The following PRDM16 variants were observed in gnomAD, a reference collection of about 807,000 sequenced individuals.
PRDM16 encodes PR/SET domain 16.
A neutral mutation model predicts 110.6 loss-of-function variants in PRDM16; 23 were observed. That is an observed-to-expected ratio of 0.21 (90% CI 0.15 to 0.29). The LOEUF is 0.29. PRDM16 is among the 10% of genes least tolerant of loss of function. The pLI is 1.00. For missense variants in PRDM16, 1,615 were observed against 1,794.3 expected (o/e 0.90, Z 1.81); for synonymous variants, 799 against 781.8 (o/e 1.02, Z -0.37).
At chr1:3,193,399 C>T (rs142804410) in intron 2 of PRDM16, among the ~76,000 whole-genome samples, 3 of 152,318 alleles carry the variant, frequency 2.0e-5, no homozygotes, top group African/African-American at 7.2e-5. Flanking sequence ...AGAAGGGGCA[C>T]CTGCCAGCCA....
rs369664557 is a variant in PRDM16 at position 3,367,333 on chromosome 1, T to G, written c.439-17819T>G. Among the ~76,000 whole-genome samples the G allele has an allele frequency of 9.9e-5, 15 of 152,052 alleles. 1 individual carries two copies. The highest frequency in any genetic ancestry group is 2.4e-4 in the African/African-American group (10 of 41,392). On this transcript the variant is annotated intron_variant, in intron 3 of 16. Coordinates refer to ENST00000270722, the MANE Select transcript of PRDM16 (RefSeq NM_022114.4). ...AGTGTTTGCGGCTCAAGAACATAAC[T>G]GCCATGGGGAGGTCTCTGCTCCATT...
Position 3,140,025 on chromosome 1 carries a change from G to A in PRDM16, c.38-46100G>A, listed in dbSNP as rs111961841. ...TCAGCCCCGGCGACGCATCTCCCTC[G>A]GAGAATGGACCGCGGGCTCTGGATT... On this transcript the variant is annotated intron_variant, in intron 1 of 16. Transcript: ENST00000270722. 5.5e-4 allele frequency among the ~76,000 whole-genome samples: 84 copies of A among 152,346 alleles called. 2 individuals carry two copies. The highest frequency in any genetic ancestry group is 1.9e-3 in the African/African-American group (77 of 41,574).
intron 1 of PRDM16, among the ~76,000 whole-genome samples, chr1:3,158,796 CAG>C (rs1437562365): frequency 1.6e-5 from 2 of 127,746 alleles, no homozygotes; most frequent in Non-Finnish European, 3.2e-5. Context: ...TTTTTTGAGA[CAG>C]AGTCTTGTTC....
intron 3 of PRDM16, chr1:3,306,666 A>G (rs4648471): frequency 0.41 from 62,960 of 152,102 alleles, 14,147 homozygotes; most frequent in Non-Finnish European, 0.49. Context: ...CATTTTAAAA[A>G]CAGCTTTATT....
Position 3,201,513 on chromosome 1 carries a change from C to CT in PRDM16, c.387+15041dup, listed in dbSNP as rs1366960379. Among the ~76,000 whole-genome samples the CT allele has an allele frequency of 6.6e-6, 1 of 152,190 alleles. No individual in the cohort carries two copies. The highest frequency in any genetic ancestry group is 6.5e-5 in the Admixed American group (1 of 15,290). On this transcript the variant is annotated intron_variant, in intron 2 of 16. Coordinates refer to ENST00000270722, the MANE Select transcript of PRDM16 (RefSeq NM_022114.4). The surrounding 1 kb of genome is among the most constrained non-coding windows in gnomAD (Gnocchi z 4.1). ...GATATTCCCTCATGAGACCTGGGCC[C>CT]TTGCAGTCATCAGGAATGATGTCAG...
In PRDM16 at chr1:3,402,890, C is replaced by T. The variant is rs769041652; in HGVS notation, c.776C>T (p.Ala259Val). 69 of 1,613,020 alleles carry T rather than the reference C, an allele frequency of 4.3e-5. No homozygotes were observed. The highest frequency in any genetic ancestry group is 1.6e-4 in the Middle Eastern group (1 of 6,062). ...TACACGTGTGGCTCAGTGGGGGCTG[C>T]GCTCTACGAGGGCCTGGCTGAGGAG... The part of the protein sequence containing the change: ...KKYTCGSVGA[A>V]LYEGLAEELK... Residue 259 changes from alanine (A) to valine (V), a missense_variant, in exon 6 of 17, where the codon GCG (alanine) becomes GTG (valine). Physicochemically the swap from Ala to Val is moderately conservative, Grantham distance 64. This residue lies in a region of PRDM16 where 416 missense variants were observed against 467.1 expected (regional missense o/e 0.89). Coordinates refer to ENST00000270722, the MANE Select transcript of PRDM16 (RefSeq NM_022114.4).
At position 3,281,337 on chromosome 1, in the gene PRDM16, C is replaced by T. The variant is rs139669434; in HGVS notation, c.438+37200C>T. ...CCCTCCACCTGTGCTCCAGACCAGG[C>T]TGGCACTGAGACGCCCACCCCAGCC... On this transcript the variant is annotated intron_variant, in intron 3 of 16. Coordinates refer to ENST00000270722, the MANE Select transcript of PRDM16 (RefSeq NM_022114.4). 2.6e-4 allele frequency among the ~76,000 whole-genome samples: 39 copies of T among 152,328 alleles called. 1 individual carries two copies. In the East Asian group the frequency reaches 7.5e-3, roughly 29 times the overall value.
At chr1:3,169,946 G>A (rs1206980466) in intron 1 of PRDM16, among the ~76,000 whole-genome samples, 1 of 152,248 alleles carries the variant, frequency 6.6e-6, no homozygotes, top group East Asian at 1.9e-4. Flanking sequence ...CCGAGTAATC[G>A]GGTGATGTAT....
At chr1:3,323,090 G>A (rs1448450533) in intron 3 of PRDM16, among the ~76,000 whole-genome samples, 2 of 152,194 alleles carry the variant, frequency 1.3e-5, no homozygotes, top group African/African-American at 2.4e-5. Flanking sequence ...TGTGCCTGTC[G>A]CTAGTGTACT....
intron 2 of PRDM16, among the ~76,000 whole-genome samples, chr1:3,231,947 C>G (rs1639427479): frequency 6.6e-6 from 1 of 152,190 alleles, no homozygotes; most frequent in Non-Finnish European, 1.5e-5. Context: ...CAGTTTTTCC[C>G]AGCAGATCAG....
At chr1:3,314,014 C>T (rs1641532075) in intron 3 of PRDM16, among the ~76,000 whole-genome samples, 1 of 146,842 alleles carries the variant, frequency 6.8e-6, no homozygotes, top group Non-Finnish European at 1.5e-5. Context: ...AGTGTCAGAC[C>T]CCAAGGAATA....
intron 3 of PRDM16, among the ~76,000 whole-genome samples, chr1:3,297,208 CA>C (rs1287873700): frequency 6.6e-6 from 1 of 152,110 alleles, no homozygotes; most frequent in Non-Finnish European, 1.5e-5. Context: ...CTCACATTAC[CA>C]GCATTTCTGT....
intron 1 of PRDM16, among the ~76,000 whole-genome samples, chr1:3,087,497 C>T (rs913631436): frequency 7.9e-5 from 12 of 152,304 alleles, no homozygotes; most frequent in South Asian, 4.1e-4. Flanking sequence ...TTGTCTGTGG[C>T]GGGCTACTCA....
intron 3 of PRDM16, among the ~76,000 whole-genome samples, chr1:3,336,738 G>T (rs1385271384): frequency 6.6e-6 from 1 of 151,634 alleles, no homozygotes; most frequent in Non-Finnish European, 1.5e-5. Context: ...GTGAATCTGT[G>T]TGTGAATGCC....
intron 3 of PRDM16, among the ~76,000 whole-genome samples, chr1:3,374,554 G>A (rs985049036): frequency 8.5e-5 from 13 of 152,198 alleles, no homozygotes; most frequent in Non-Finnish European, 1.5e-4. Context: ...GGTCTGTGAG[G>A]AGGGCCCCTG....
intron 3 of PRDM16, among the ~76,000 whole-genome samples, chr1:3,377,501 C>G (rs889993217): frequency 2.0e-5 from 3 of 152,192 alleles, no homozygotes; most frequent in Non-Finnish European, 2.9e-5. Flanking sequence ...AAATTTTCCC[C>G]CACTTCACTT....
In PRDM16 at chr1:3,186,001, C is replaced by T. The variant is rs552550174; in HGVS notation, c.38-124C>T. ...GCGTCTCCCGGGCAGGGGTGGCAGC[C>T]GGGCCTTCTGGGCCCCTGAGCACCC... On this transcript the variant is annotated intron_variant, in intron 1 of 16. Coordinates refer to ENST00000270722, the MANE Select transcript of PRDM16 (RefSeq NM_022114.4). 194 of 774,002 alleles carry T rather than the reference C, an allele frequency of 2.5e-4. 1 individual carries two copies. The highest frequency in any genetic ancestry group is 1.5e-3 in the Admixed American group (68 of 43,940). 47.9% of individuals were successfully genotyped at this position (774,002 alleles called of 1,614,324 possible).
rs531102257 is a variant in PRDM16, at chr1:3,350,628, G to T, written c.439-34524G>T. Among the ~76,000 whole-genome samples, 3 of 152,198 alleles carry T rather than the reference G, an allele frequency of 2.0e-5. No homozygotes were observed. The South Asian group carries it at 6.2e-4, about 32-fold the overall frequency. On this transcript the variant is annotated intron_variant, in intron 3 of 16. Coordinates refer to ENST00000270722, the MANE Select transcript of PRDM16 (RefSeq NM_022114.4). The surrounding 1 kb of genome is among the most constrained non-coding windows in gnomAD (Gnocchi z 7.1). ...CTGGGAGCCAGCCCTGCCCGGCCAGGGCTCGGGCACAGCTTGGCTCCATGC... is the reference window on the plus strand; with the variant it reads ...CTGGGAGCCAGCCCTGCCCGGCCAGTGCTCGGGCACAGCTTGGCTCCATGC...
intron 1 of PRDM16, among the ~76,000 whole-genome samples, chr1:3,072,024 C>G (rs903643469): frequency 6.6e-5 from 10 of 152,188 alleles, no homozygotes; most frequent in Non-Finnish European, 1.0e-4. Context: ...GAGGTGGCCA[C>G]TGGGGCACCC....
Sources: gnomAD v4.1 joint callset for allele counts (sites outside exome capture counted in the v4.1 genomes callset) on GRCh38, gnomAD v4.1.1 for gene constraint, gnomAD v4.1.1 regional missense constraint, Gnocchi (gnomAD v3.1) non-coding constraint, MANE v1.5 for transcripts, NCBI Gene and HGNC (gene_info 2026-07-23, HGNC 2026-07-21) for gene names.